The following LRATD1 variants were observed in gnomAD, a reference collection of about 807,000 sequenced individuals.
The protein encoded by LRATD1 is LRAT domain containing 1.
A neutral mutation model predicts 21.3 loss-of-function variants in LRATD1; 8 were observed. The ratio of observed to expected loss-of-function variants is 0.38; its 90% CI spans 0.22 to 0.68. The LOEUF (loss-of-function observed/expected upper bound fraction) is 0.68, where lower values mean the gene tolerates loss of function less well. Ranked by LOEUF, LRATD1 falls within the 30% of genes least tolerant of loss-of-function variation. The probability of loss-of-function intolerance (pLI) is 0.54; values close to 1 mark genes in which losing one functional copy is unlikely to be tolerated. For missense variants in LRATD1, 380 were observed against 404.0 expected (o/e 0.94, Z 0.51); for synonymous variants, 210 against 186.2 (o/e 1.13, Z -1.04).
At chr2:14,641,755 T>C (rs1372307515), downstream of LRATD1, among the ~76,000 whole-genome samples, 1 of 152,226 alleles carries the variant, frequency 6.6e-6, no homozygotes, top group African/African-American at 2.4e-5. Flanking sequence ...TAGTTTTCAT[T>C]CATACTTCCA....
At position 14,637,753 on chromosome 2, in the gene LRATD1, C is replaced by T. The variant is rs945205453; in HGVS notation, c.*2895C>T. On this transcript the variant is annotated 3_prime_UTR_variant, in exon 2 of 2. Coordinates refer to ENST00000295092, the MANE Select transcript of LRATD1 (RefSeq NM_145175.4). Reference sequence around the variant, plus strand: ...GCACTGTTAACAATGCGAGTGAAACCAAGATGGTGCAAGTTCCCTTTGCAG... The same window carrying T: ...GCACTGTTAACAATGCGAGTGAAACTAAGATGGTGCAAGTTCCCTTTGCAG... The T allele has an allele frequency of 1.2e-5, 2 of 166,970 alleles. No homozygotes were observed. The highest frequency in any genetic ancestry group is 3.9e-4 in the East Asian group (2 of 5,188). 10.3% of individuals were successfully genotyped at this position (166,970 alleles called of 1,614,324 possible).
chr2:14,648,550 T>A (rs975870233), intron 4 of LRATD1, among the ~76,000 whole-genome samples: 3 of 152,232 alleles, frequency 2.0e-5, no homozygotes, highest in African/African-American at 7.2e-5. Flanking sequence ...TGGATTCTTA[T>A]GTCTGCCTTT....
downstream of LRATD1, among the ~76,000 whole-genome samples, chr2:14,643,845 G>C (rs779873944): frequency 2.6e-5 from 4 of 152,170 alleles, no homozygotes; most frequent in Non-Finnish European, 5.9e-5. Flanking sequence ...AACATAGTCT[G>C]TTTAAGTTAA....
In LRATD1 at chr2:14,635,984, T is replaced by A. The variant is rs1330479864; in HGVS notation, c.*1126T>A. ...CAACAAAGCCTATCGTGTTGATGTT[T>A]TTATTGACCATTTTAGCAACAGGCT... On this transcript the variant is annotated 3_prime_UTR_variant, in exon 2 of 2. Coordinates refer to ENST00000295092, the MANE Select transcript of LRATD1 (RefSeq NM_145175.4). 4.2e-6 allele frequency: 1 copy of A among 238,276 alleles called. No individual in the cohort carries two copies. Among genetic ancestry groups the A allele is most frequent in the Admixed American group, 5.2e-5 (1 of 19,330 alleles). 14.8% of individuals were successfully genotyped at this position (238,276 alleles called of 1,614,324 possible).
In LRATD1 at chr2:14,632,814, G is replaced by C. The variant is rs1226611882; in HGVS notation, c.-160G>C. On this transcript the variant is annotated 5_prime_UTR_variant, in exon 1 of 2. Transcript: ENST00000295092. ...CGCCGCACCGCACGATTCGGCTCGG[G>C]GTAGAGCGGAGCCGCAGCCCCACGC... The C allele has an allele frequency of 1.3e-5, 2 of 153,322 alleles. No homozygotes were observed. The highest frequency in any genetic ancestry group is 2.1e-4 in the South Asian group (1 of 4,864). The allele number at this position is 153,322 out of a possible 1,614,324, so 9.5% of individuals were successfully genotyped here.
rs1419150344 is a variant in LRATD1 at position 14,638,247 on chromosome 2, C to T, written c.*3389C>T. 6.4e-6 allele frequency: 1 copy of T among 157,268 alleles called. No homozygotes were observed. Among genetic ancestry groups the T allele is most frequent in the Admixed American group, 7.0e-5 (1 of 14,332 alleles). The allele number at this position is 157,268 out of a possible 1,614,324, so 9.7% of individuals were successfully genotyped here. On this transcript the variant is annotated 3_prime_UTR_variant, in exon 2 of 2. Transcript: ENST00000295092. ...AAAAAAAAAAAAACTATAGAATTTA[C>T]GTATGTTACATTTTTAAGTATGAGT...
In LRATD1 at chr2:14,636,647, C is replaced by T. The variant is rs1671693415; in HGVS notation, c.*1789C>T. 6.0e-6 allele frequency: 1 copy of T among 167,160 alleles called. No homozygotes were observed. Among genetic ancestry groups the T allele is most frequent in the African/African-American group, 2.4e-5 (1 of 41,482 alleles). 10.4% of individuals were successfully genotyped at this position (167,160 alleles called of 1,614,324 possible). ...AGACACTTAAATAGCATCTATGTCT[C>T]TTTCAAGGGAATTTGTCAAATAATG... On this transcript the variant is annotated 3_prime_UTR_variant, in exon 2 of 2. Transcript: ENST00000295092.
At position 14,637,713 on chromosome 2, in the gene LRATD1, G is replaced by T. The variant is rs1468138028; in HGVS notation, c.*2855G>T. 6.0e-6 allele frequency: 1 copy of T among 167,018 alleles called. No homozygotes were observed. Among genetic ancestry groups the T allele is most frequent in the African/African-American group, 2.4e-5 (1 of 41,434 alleles). 10.3% of individuals were successfully genotyped at this position (167,018 alleles called of 1,614,324 possible). A position where few individuals can be genotyped will look rare whatever the true frequency, so the allele number is the denominator to read the frequency against. On this transcript the variant is annotated 3_prime_UTR_variant, in exon 2 of 2. Coordinates refer to ENST00000295092, the MANE Select transcript of LRATD1 (RefSeq NM_145175.4). ...ACCTAATGGTTTTATCCTGAAAAAG[G>T]TGTATACTTTTAGGGCACTGTTAAC...
rs867444164 is a variant in LRATD1 at position 14,634,191 on chromosome 2, A to G, written c.212A>G (p.His71Arg). The G allele has an allele frequency of 1.6e-5, 25 of 1,611,194 alleles. No individual in the cohort carries two copies. Among genetic ancestry groups the G allele is most frequent in the East Asian group, 2.2e-5 (1 of 44,778 alleles). ...CCCTGCCCGGAGAGCCCCAGCCGCC[A>G]CCACCACCACCTGCTGCACCAGCTG... is the stretch of plus-strand genomic sequence containing the variant. ...CTPCPESPSRHHHHLLHQLVL... is the reference protein window; with the variant it reads ...CTPCPESPSRRHHHLLHQLVL... Residue 71 changes from histidine (H) to arginine (R), a missense_variant, in exon 2 of 2, where the codon CAC becomes CGC. By Grantham distance (29) the His-to-Arg change is conservative. Coordinates refer to ENST00000295092, the MANE Select transcript of LRATD1 (RefSeq NM_145175.4).
At chr2:14,647,067 C>A (rs559624835) in intron 4 of LRATD1, among the ~76,000 whole-genome samples, 1 of 152,320 alleles carries the variant, frequency 6.6e-6, no homozygotes, top group African/African-American at 2.4e-5. Flanking sequence ...GAGCCTCTAT[C>A]CCTCAGCCTT....
In LRATD1 at chr2:14,639,490, C is replaced by T. The variant is rs1234919091; in HGVS notation, c.*4632C>T. Reference sequence around the variant, plus strand: ...CACTAAAGAGAAGCTAAGATCCTATCTTTCAATCATTTAGTAATTCATAAA... The same window carrying T: ...CACTAAAGAGAAGCTAAGATCCTATTTTTCAATCATTTAGTAATTCATAAA... On this transcript the variant is annotated 3_prime_UTR_variant, in exon 2 of 2. Coordinates refer to ENST00000295092, the MANE Select transcript of LRATD1 (RefSeq NM_145175.4). 6.0e-6 allele frequency: 1 copy of T among 166,816 alleles called. No homozygotes were observed. Among genetic ancestry groups the T allele is most frequent in the Admixed American group, 6.5e-5 (1 of 15,278 alleles). 10.3% of individuals were successfully genotyped at this position (166,816 alleles called of 1,614,324 possible). A position where few individuals can be genotyped will look rare whatever the true frequency, so the allele number is the denominator to read the frequency against.
Position 14,646,925 on chromosome 2 carries a change from A to G in LRATD1, n.436+460A>G, listed in dbSNP as rs543548137. ...GAACCATGAACTCACTGGAGATCAA[A>G]ATAGACCCAAATAAATGAAACCCAC... On this transcript the variant is annotated intron_variant and non_coding_transcript_variant, in intron 4 of 5. Transcript: ENST00000464947. Among the ~76,000 whole-genome samples the G allele has an allele frequency of 7.9e-5, 12 of 152,348 alleles. No homozygotes were observed. In the South Asian group the frequency reaches 2.3e-3, roughly 29 times the overall value.
downstream of LRATD1, among the ~76,000 whole-genome samples, chr2:14,650,994 G>A (rs367818767): frequency 4.6e-4 from 70 of 152,162 alleles, no homozygotes; most frequent in African/African-American, 1.4e-3. Flanking sequence ...TCATTGATAC[G>A]TGAAATCTCA....
rs570483756 is a variant in LRATD1, at chr2:14,636,978, A to T, written c.*2120A>T. ...AAGCCTATTGAGTGATTTATTTTTTAAAAAATGTTTAAATGCATATGCTTT... is the reference window on the plus strand; with the variant it reads ...AAGCCTATTGAGTGATTTATTTTTTTAAAAATGTTTAAATGCATATGCTTT... On this transcript the variant is annotated 3_prime_UTR_variant, in exon 2 of 2. Coordinates refer to ENST00000295092, the MANE Select transcript of LRATD1 (RefSeq NM_145175.4). 2.4e-5 allele frequency: 4 copies of T among 167,110 alleles called. No homozygotes were observed. Among genetic ancestry groups the T allele is most frequent in the Non-Finnish European group, 5.9e-5 (4 of 68,106 alleles). 10.4% of individuals were successfully genotyped at this position (167,110 alleles called of 1,614,324 possible).
At chr2:14,640,437 T>C (rs1286814126), downstream of LRATD1, among the ~76,000 whole-genome samples, 11 of 152,326 alleles carry the variant, frequency 7.2e-5, 1 homozygote, top group East Asian at 2.1e-3. Context: ...AAATACTAGG[T>C]ATGAATAGAG....
chr2:14,635,194 C>G lies in LRATD1; in HGVS notation c.*336C>G, dbSNP rs1351301835. ...AGGGGAGAAAGGACATGGCCTTCCC[C>G]GCGAGTCCATGGCCAGTGACTGTGG... On this transcript the variant is annotated 3_prime_UTR_variant, in exon 2 of 2. Transcript: ENST00000295092. The G allele has an allele frequency of 1.6e-6, 1 of 606,650 alleles. No individual in the cohort carries two copies. Among genetic ancestry groups the G allele is most frequent in the Non-Finnish European group, 3.2e-6 (1 of 314,188 alleles). 37.6% of individuals were successfully genotyped at this position (606,650 alleles called of 1,614,324 possible). A position where few individuals can be genotyped will look rare whatever the true frequency, so the allele number is the denominator to read the frequency against.
Position 14,634,500 on chromosome 2 carries a change from T to A in LRATD1, c.521T>A (p.Val174Glu). ...DSLYEAGAANVGRVVNSWYRY... is the reference protein window; with the variant it reads ...DSLYEAGAANEGRVVNSWYRY... ...CTGTATGAGGCGGGCGCGGCCAACG[T>A]GGGCCGGGTGGTGAATAGCTGGTAC... Residue 174 changes from valine to glutamate, a missense_variant, in exon 2 of 2, where the codon GTG (valine) becomes GAG (glutamate). By Grantham distance (121) the Val-to-Glu change is moderately radical (BLOSUM62 -2). Coordinates refer to ENST00000295092, the MANE Select transcript of LRATD1 (RefSeq NM_145175.4). 6.6e-7 allele frequency: 1 copy of A among 1,506,164 alleles called. No individual in the cohort carries two copies. The highest frequency in any genetic ancestry group is 8.9e-7 in the Non-Finnish European group (1 of 1,129,044). 93.3% of individuals were successfully genotyped at this position (1,506,164 alleles called of 1,614,324 possible).
chr2:14,643,990 A>T (rs566257884), downstream of LRATD1, among the ~76,000 whole-genome samples: 1 of 152,194 alleles, frequency 6.6e-6, no homozygotes, highest in Admixed American at 6.5e-5. Context: ...AATCTAATTT[A>T]ATTCAAAAAC....
downstream of LRATD1, among the ~76,000 whole-genome samples, chr2:14,642,277 T>C (rs756008921): frequency 1.3e-5 from 2 of 152,206 alleles, no homozygotes; most frequent in African/African-American, 2.4e-5. Flanking sequence ...AGATTAGCTA[T>C]ACAGAGTTTA....
Sources: gnomAD v4.1 joint callset for allele counts (sites outside exome capture counted in the v4.1 genomes callset) on GRCh38, gnomAD v4.1.1 for gene constraint, MANE v1.5 for transcripts, NCBI Gene and HGNC (gene_info 2026-07-23, HGNC 2026-07-21) for gene names.